The following ICE2 variants were observed in gnomAD, a reference collection of about 807,000 sequenced individuals.
The protein encoded by ICE2 is little elongation complex subunit 2.
A neutral mutation model predicts 105.4 loss-of-function variants in ICE2; 87 were observed. That is an observed-to-expected ratio of 0.83 (90% CI 0.69 to 0.99). ICE2 has a LOEUF of 0.99. Ranked by LOEUF, ICE2 falls within the 50% of genes least tolerant of loss-of-function variation. The pLI, the probability that ICE2 is intolerant of heterozygous loss-of-function variation, is 0.00. For synonymous variants in ICE2, 399 were observed against 392.0 expected (o/e 1.02, Z -0.21); for missense variants, 1,323 against 1,146.7 (o/e 1.15, Z -2.22).
At chr15:60,442,384 A>T in intron 12 of ICE2, 32 bp downstream of exon 12, 1 of 1,558,264 alleles carries the variant, frequency 6.4e-7, no homozygotes, top group Non-Finnish European at 8.6e-7. Context: ...AAGAAAATTA[A>T]AAAGGAGAAT....
chr15:60,462,226 T>C (rs527686737), intron 5 of ICE2, among the ~76,000 whole-genome samples: 7 of 152,280 alleles, frequency 4.6e-5, no homozygotes, highest in Admixed American at 3.3e-4. Context: ...ATTACAACTG[T>C]GCAAACCACA....
intron 6 of ICE2, among the ~76,000 whole-genome samples, chr15:60,455,956 C>T (rs777433821): frequency 6.6e-6 from 1 of 152,008 alleles, no homozygotes; most frequent in Non-Finnish European, 1.5e-5. Context: ...AAAGTCTATC[C>T]TCTCCTTTCA....
At position 60,472,071 on chromosome 15, in the gene ICE2, G is replaced by A. The variant is rs571798433; in HGVS notation, c.147-3749C>T. Among the ~76,000 whole-genome samples, 383 of 151,208 alleles carry A rather than the reference G, an allele frequency of 2.5e-3. 1 individual carries two copies. Among genetic ancestry groups the A allele is most frequent in the African/African-American group, 8.8e-3 (362 of 41,234 alleles). ...CTTTAATTAAAAAAAAAAGGTAATC[G>A]TTTACAGTGGCTATTTCTACATGAA... On this transcript the variant is annotated intron_variant, in intron 3 of 15. Transcript: ENST00000261520.
intron 6 of ICE2, 55 bp downstream of exon 6, chr15:60,456,602 C>CACACAT: frequency 1.3e-6 from 1 of 755,456 alleles, no homozygotes; most frequent in Non-Finnish European, 2.0e-6. Flanking sequence ...CACACACACA[C>CACACAT]ACACACACTA....
In ICE2 at chr15:60,449,259, T is replaced by A. The variant is rs1331364716; in HGVS notation, c.1708A>T (p.Ser570Cys). The change falls in exon 10 of 16, where the codon AGC (serine) becomes TGC (cysteine). Residue 570 changes from serine to cysteine, a missense_variant. Ser to Cys is a moderately radical substitution (Grantham distance 112). Transcript: ENST00000261520. ...AAACACTCCTCATCTGTATCACTGCTGCAGAGAACTGTATCTTCAGTTTTT... is the reference window on the plus strand; with the variant it reads ...AAACACTCCTCATCTGTATCACTGCAGCAGAGAACTGTATCTTCAGTTTTT... ...AAKTEDTVLC[S>C]SDTDEECLII... The A allele has an allele frequency of 6.2e-7, 1 of 1,613,542 alleles. No homozygotes were observed. Among genetic ancestry groups the A allele is most frequent in the Admixed American group, 1.7e-5 (1 of 60,012 alleles).
rs778371355 is a variant in ICE2 at position 60,453,591 on chromosome 15, A to G, written c.1125+12T>C. Reference sequence around the variant, plus strand: ...TACATTCCCCTTAGGGGAAAAAAAAAGCATTACATACGTCCATTTCAGATA... The same window carrying G: ...TACATTCCCCTTAGGGGAAAAAAAAGGCATTACATACGTCCATTTCAGATA... On this transcript the variant is annotated intron_variant, in intron 9 of 15. Coordinates refer to ENST00000261520, the MANE Select transcript of ICE2 (RefSeq NM_024611.6). 4.3e-6 allele frequency: 7 copies of G among 1,609,664 alleles called. No homozygotes were observed. Among genetic ancestry groups the G allele is most frequent in the Admixed American group, 1.7e-5 (1 of 59,310 alleles).
intron 9 of ICE2, 58 bp from the exon 10 acceptor site, chr15:60,449,899 C>G: frequency 8.3e-7 from 1 of 1,203,254 alleles, no homozygotes; most frequent in South Asian, 1.4e-5. Flanking sequence ...CTACCTATCT[C>G]TTAATGTCCC....
In ICE2 at chr15:60,423,650, T is replaced by G. The variant is rs1175420814; in HGVS notation, c.2933A>C (p.Lys978Thr). ...GTACAGTCCTCAAGTTATTTTTCTT[T>G]TATGTGGAGCCACTCCTTCAGTTTC... ...QVETEGVAPH[K>T]RKIT Residue 978 changes from lysine (K) to threonine (T), a missense_variant, in exon 16 of 16, where the codon AAA (lysine) becomes ACA (threonine). Coordinates refer to ENST00000261520, the MANE Select transcript of ICE2 (RefSeq NM_024611.6). 6.2e-7 allele frequency: 1 copy of G among 1,609,006 alleles called. No individual in the cohort carries two copies. Among genetic ancestry groups the G allele is most frequent in the Admixed American group, 1.7e-5 (1 of 59,330 alleles).
At position 60,449,494 on chromosome 15, in the gene ICE2, T is replaced by C; in HGVS notation, c.1473A>G (p.Ser491=). Residue 491 remains serine (S), a synonymous_variant, in exon 10 of 16, where the codon TCA becomes TCG. Transcript: ENST00000261520. The part of the protein sequence containing the change: ...CKNKDDQGFE[S]CEKVSNSDKP... Reference sequence around the variant, plus strand: ...TGTCAGAATTTGATACCTTTTCACATGATTCAAATCCCTGATCATCTTTAT... The same window carrying C: ...TGTCAGAATTTGATACCTTTTCACACGATTCAAATCCCTGATCATCTTTAT... The C allele has an allele frequency of 6.2e-7, 1 of 1,614,136 alleles. No homozygotes were observed. Among genetic ancestry groups the C allele is most frequent in the South Asian group, 1.1e-5 (1 of 91,082 alleles).
At chr15:60,470,903 C>T (rs1326169172) in intron 3 of ICE2, among the ~76,000 whole-genome samples, 1 of 151,664 alleles carries the variant, frequency 6.6e-6, no homozygotes, top group African/African-American at 2.4e-5. Flanking sequence ...TTATAAATAC[C>T]CGTCATAAAA....
chr15:60,433,997 G>C (rs2063522105), intron 13 of ICE2, among the ~76,000 whole-genome samples: 2 of 152,060 alleles, frequency 1.3e-5, no homozygotes, highest in South Asian at 4.1e-4. Flanking sequence ...ACAATGTCAA[G>C]CCTGGAACTA....
At position 60,466,578 on chromosome 15, in the gene ICE2, T is replaced by C; in HGVS notation, c.528+16A>G. On this transcript the variant is annotated intron_variant, in intron 5 of 15. Coordinates refer to ENST00000261520, the MANE Select transcript of ICE2 (RefSeq NM_024611.6). Reference sequence around the variant, plus strand: ...TATCACTTCGCAATTTACACAAATGTGAGTTGTTTTTTTACCTCTGTGAAG... The same window carrying C: ...TATCACTTCGCAATTTACACAAATGCGAGTTGTTTTTTTACCTCTGTGAAG... The C allele has an allele frequency of 6.2e-7, 1 of 1,608,378 alleles. No individual in the cohort carries two copies. Among genetic ancestry groups the C allele is most frequent in the Non-Finnish European group, 8.5e-7 (1 of 1,179,128 alleles).
intron 6 of ICE2, among the ~76,000 whole-genome samples, chr15:60,456,421 G>A (rs976135966): frequency 6.7e-6 from 1 of 149,640 alleles, no homozygotes; most frequent in Non-Finnish European, 1.5e-5. Context: ...GCAGGCGCCT[G>A]TAATTCCAGC....
At chr15:60,457,074 T>C (rs1321382254) in intron 5 of ICE2, among the ~76,000 whole-genome samples, 2 of 152,130 alleles carry the variant, frequency 1.3e-5, no homozygotes, top group East Asian at 1.9e-4. Context: ...TAAAGGCACA[T>C]GAAAATTTCA....
chr15:60,431,838 T>C, intron 14 of ICE2, 96 bp downstream of exon 14: 1 of 647,898 alleles, frequency 1.5e-6, no homozygotes, highest in Non-Finnish European at 2.7e-6. Flanking sequence ...CTAGGTTATT[T>C]TGTCTCTATT....
At chr15:60,450,790 A>G (rs2063946838) in intron 9 of ICE2, among the ~76,000 whole-genome samples, 1 of 152,216 alleles carries the variant, frequency 6.6e-6, no homozygotes, top group African/African-American at 2.4e-5. Context: ...TTATATATAG[A>G]AAATCTCTTG....
intron 12 of ICE2, chr15:60,438,138 T>G (rs2063637349): frequency 6.6e-6 from 1 of 151,818 alleles, no homozygotes; most frequent in Non-Finnish European, 1.5e-5. Context: ...CATAAAAGAG[T>G]CCTGGGTTAA....
At chr15:60,467,952 T>C (rs77655256) in intron 4 of ICE2, 109 bp downstream of exon 4, 1 of 1,032,806 alleles carries the variant, frequency 9.7e-7, no homozygotes, top group South Asian at 2.0e-5. Context: ...CCTTACGTTT[T>C]CCATTTTAAA....
At chr15:60,462,751 A>G (rs1367238306) in intron 5 of ICE2, among the ~76,000 whole-genome samples, 1 of 152,092 alleles carries the variant, frequency 6.6e-6, no homozygotes, top group African/African-American at 2.4e-5. Context: ...CCCTCTATAT[A>G]CATATATATA....
Sources: allele counts gnomAD v4.1 joint callset (sites outside exome capture counted in the v4.1 genomes callset), GRCh38; gene constraint gnomAD v4.1.1; transcripts MANE v1.5; gene names NCBI Gene and HGNC (gene_info 2026-07-23, HGNC 2026-07-21).